Variants in MROH7 observed in about 807,000 individuals in gnomAD.
MROH7 encodes maestro heat like repeat family member 7, also known as maestro heat-like repeat-containing protein family member 7.
A neutral mutation model predicts 129.2 loss-of-function variants in MROH7; 113 were observed. That is an observed-to-expected ratio of 0.87 (90% CI 0.75 to 1.02). MROH7 has a LOEUF of 1.02. MROH7 is among the 50% of genes least tolerant of loss of function. MROH7 has a pLI of 0.00. For missense variants in MROH7, 1,601 were observed against 1,671.3 expected, an observed-to-expected ratio of 0.96 and a Z score of 0.73; for synonymous variants, 655 against 667.9, an observed-to-expected ratio of 0.98 and a Z score of 0.30.
intron 16 of MROH7, among the ~76,000 whole-genome samples, chr1:54,693,341 T>C (rs112925489): frequency 0.021 from 3,131 of 152,148 alleles, 107 homozygotes; most frequent in African/African-American, 0.071. Context: ...TCCCAGCCAC[T>C]CGGGAGGCTG....
rs535089449 is a variant in MROH7, at chr1:54,690,634, A to C, written c.2712-1790A>C. Among the ~76,000 whole-genome samples the C allele has an allele frequency of 3.9e-5, 6 of 152,118 alleles. No homozygotes were observed. In the South Asian group the frequency reaches 1.2e-3, roughly 32 times the overall value. On this transcript the variant is annotated intron_variant, in intron 15 of 23. Transcript: ENST00000421030. ...AATTTTTTGTATTTTTAGTAGAGACAGGATTTCACCATGTTAGCCAGGATG... is the reference window on the plus strand; with the variant it reads ...AATTTTTTGTATTTTTAGTAGAGACCGGATTTCACCATGTTAGCCAGGATG...
At chr1:54,645,115 ATTTTT>A (rs2101050019) in intron 1 of MROH7, among the ~76,000 whole-genome samples, 1 of 152,126 alleles carries the variant, frequency 6.6e-6, no homozygotes, top group Non-Finnish European at 1.5e-5. Context: ...CAGCCAAAGC[ATTTTT>A]ATGATGACTG....
intron 10 of MROH7, among the ~76,000 whole-genome samples, chr1:54,677,779 T>G (rs1349849147): frequency 6.6e-6 from 1 of 152,200 alleles, no homozygotes; most frequent in Non-Finnish European, 1.5e-5. Context: ...GCTGAAAATA[T>G]GAAGCCACTA....
At chr1:54,680,701 C>T (rs147860216) in intron 13 of MROH7, among the ~76,000 whole-genome samples, 1 of 152,250 alleles carries the variant, frequency 6.6e-6, no homozygotes, top group Admixed American at 6.5e-5. Flanking sequence ...AGCCTCCCAC[C>T]CAGGAAATGC....
At chr1:54,692,643 A>G in intron 16 of MROH7, 82 bp downstream of exon 16, 2 of 1,438,164 alleles carry the variant, frequency 1.4e-6, no homozygotes, top group Non-Finnish European at 1.9e-6. Flanking sequence ...CTTGGTCTGC[A>G]TCTCTCCCTG....
rs1266317036 is a variant in MROH7, at chr1:54,668,913, GA to G, written c.1367del (p.Lys456ArgfsTer3). The G allele has an allele frequency of 4.4e-6, 7 of 1,603,640 alleles. No homozygotes were observed. In the African/African-American group the frequency reaches 8.0e-5, roughly 18 times the overall value. On this transcript the variant is annotated frameshift_variant, in exon 5 of 24. Coordinates refer to ENST00000421030, the MANE Select transcript of MROH7 (RefSeq NM_001039464.4). LOFTEE classifies it high-confidence loss of function. Reference protein sequence around the residue: ...QDLLEAEGEKKTMIKKIMRQI... With the variant: ...QDLLEAEGEKXTMIKKIMRQI... The stretch of plus-strand genomic sequence containing the variant: ...ATCTGCTGGAGGCAGAAGGAGAAAA[GA>G]AGACCATGATAAAGAAGATTATGGT...
At chr1:54,666,425 A>ATTTTTTTTTTT (rs71048704) in intron 4 of MROH7, among the ~76,000 whole-genome samples, 13 of 69,236 alleles carry the variant, frequency 1.9e-4, no homozygotes, top group Non-Finnish European at 2.8e-4. Flanking sequence ...GAGAAGAGGA[A>ATTTTTTTTTTT]TTTTTTTTTT....
intron 3 of MROH7, chr1:54,663,797 C>G (rs556435647): frequency 6.6e-6 from 3 of 454,238 alleles, no homozygotes; most frequent in East Asian, 1.4e-4. Flanking sequence ...TGCTTGAGTC[C>G]TGGAATCGAC....
chr1:54,671,452 T>TG (rs1345561543), intron 7 of MROH7, among the ~76,000 whole-genome samples: 2 of 152,092 alleles, frequency 1.3e-5, no homozygotes, highest in African/African-American at 4.8e-5. Context: ...CCCTGCCCTA[T>TG]GGGAGGGATG....
intron 1 of MROH7, among the ~76,000 whole-genome samples, chr1:54,645,944 G>A (rs1017822900): frequency 2.0e-5 from 3 of 152,144 alleles, no homozygotes; most frequent in Admixed American, 6.5e-5. Context: ...GAGCCACCGC[G>A]TGCAGCCAAA....
At position 54,702,197 on chromosome 1, in the gene MROH7, G is replaced by C. The variant is rs1408571252; in HGVS notation, c.3393G>C (p.Leu1131Phe). Residue 1131 changes from leucine (L) to phenylalanine (F), a missense_variant, in exon 20 of 24, where the codon TTG becomes TTC. Leu to Phe is a conservative substitution (Grantham distance 22). Coordinates refer to ENST00000421030, the MANE Select transcript of MROH7 (RefSeq NM_001039464.4). ...QAMEEQLVSTLVPLLLTMQEG... is the reference protein window; with the variant it reads ...QAMEEQLVSTFVPLLLTMQEG... ...TGGAGGAGCAGCTGGTCAGCACCTT[G>C]GTGCCCCTACTGCTGACCATGCAGG... 6.3e-7 allele frequency: 1 copy of C among 1,596,922 alleles called. No individual in the cohort carries two copies. The highest frequency in any genetic ancestry group is 8.5e-7 in the Non-Finnish European group (1 of 1,172,488).
chr1:54,702,374 T>C (rs1645454668), intron 20 of MROH7, 129 bp downstream of exon 20: 2 of 887,154 alleles, frequency 2.3e-6, no homozygotes, highest in Non-Finnish European at 3.2e-6. Context: ...CCATGTCTGT[T>C]TTCTAAAGGT....
At chr1:54,656,085 G>A (rs1461967957) in intron 3 of MROH7, among the ~76,000 whole-genome samples, 1 of 151,384 alleles carries the variant, frequency 6.6e-6, no homozygotes. Flanking sequence ...GCAGAGACAG[G>A]GTTTCACCAT....
At chr1:54,642,492 A>C (rs1357784108) in intron 1 of MROH7, among the ~76,000 whole-genome samples, 1 of 152,232 alleles carries the variant, frequency 6.6e-6, no homozygotes, top group Non-Finnish European at 1.5e-5. Context: ...AGAAACAGGA[A>C]GACATGGTTC....
rs191110313 is a variant in MROH7 at position 54,673,375 on chromosome 1, C to T, written c.1695+189C>T. 2.1e-3 allele frequency among the ~76,000 whole-genome samples: 317 copies of T among 152,024 alleles called. 1 individual carries two copies. Among genetic ancestry groups the T allele is most frequent in the Middle Eastern group, 0.017 (5 of 292 alleles). On this transcript the variant is annotated intron_variant, in intron 8 of 23. Transcript: ENST00000421030. ...ACTCCTGCCTCTCCCCACTCTCTCC[C>T]CATCCCCCCACTCTCTAAATGGCTG...
intron 17 of MROH7, chr1:54,697,678 T>C: frequency 1.4e-6 from 1 of 703,444 alleles, no homozygotes; most frequent in Non-Finnish European, 2.6e-6. Context: ...GGAATTGTGA[T>C]ACTCATGCTT....
Position 54,653,359 on chromosome 1 carries a change from C to A in MROH7, c.433C>A (p.Pro145Thr). The stretch of plus-strand genomic sequence containing the variant: ...CCCTCGTCTGAGCTCTGGGAACCAC[C>A]CTCAGTCAAATTCTGAAGATGCCTT... ...EAPRLSSGNH[P>T]QSNSEDAFKC... The change falls in exon 3 of 24, where the codon CCT becomes ACT. Residue 145 changes from proline to threonine, a missense_variant. Physicochemically the swap from Pro to Thr is conservative, Grantham distance 38. Transcript: ENST00000421030. The A allele has an allele frequency of 6.2e-7, 1 of 1,614,204 alleles. No individual in the cohort carries two copies. The highest frequency in any genetic ancestry group is 2.2e-5 in the East Asian group (1 of 44,884).
At position 54,670,915 on chromosome 1, in the gene MROH7, GC is replaced by G. The variant is rs752329401; in HGVS notation, c.1586del (p.Ala529ValfsTer32). ...QAMQEKDEAK[A>X]ETIQALYHQT... ...GATGCAGGAGAAGGACGAGGCCAAG[GC>G]TGAGACCATCCAGGTGAGGCGGGAC... On this transcript the variant is annotated frameshift_variant, in exon 7 of 24. Coordinates refer to ENST00000421030, the MANE Select transcript of MROH7 (RefSeq NM_001039464.4). LOFTEE classifies it high-confidence loss of function. 1 of 1,606,122 alleles carries G rather than the reference GC, an allele frequency of 6.2e-7. No individual in the cohort carries two copies. The highest frequency in any genetic ancestry group is 2.2e-5 in the East Asian group (1 of 44,566).
At chr1:54,683,893 T>C (rs1462608797) in intron 14 of MROH7, among the ~76,000 whole-genome samples, 1 of 152,206 alleles carries the variant, frequency 6.6e-6, no homozygotes, top group Non-Finnish European at 1.5e-5. Flanking sequence ...GTACGTAGTA[T>C]ATTTTGCGTC....
Sources: gnomAD v4.1 joint callset for allele counts (sites outside exome capture counted in the v4.1 genomes callset) on GRCh38, gnomAD v4.1.1 for gene constraint, MANE v1.5 for transcripts, NCBI Gene and HGNC (gene_info 2026-07-23, HGNC 2026-07-21) for gene names.